Variants in ZBED6 observed in about 807,000 individuals in gnomAD.
ZBED6 encodes the protein zinc finger BED domain-containing protein 6.
In ZBED6, 40 loss-of-function variants were observed where a neutral mutation model predicts 58.4. That is an observed-to-expected ratio of 0.68 (90% CI 0.53 to 0.89). ZBED6 has a LOEUF of 0.89. ZBED6 is among the 40% of genes least tolerant of loss of function. The pLI is 0.00. For synonymous variants in ZBED6, 439 were observed against 350.6 expected (o/e 1.25, Z -2.82); for missense variants, 1,057 against 1,003.9 (o/e 1.05, Z -0.71).
At chr1:203,836,025 CAGGGTTCCAAATT>C in intron 9 of ZBED6, 1 of 153,822 alleles carries the variant, frequency 6.5e-6, no homozygotes, top group South Asian at 2.0e-4. Flanking sequence ...CAAACCAAAC[CAGGGTTCCAAATT>C]AATAGGACTT....
chr1:203,836,375 A>G (rs1348482763), intron 9 of ZBED6, among the ~76,000 whole-genome samples: 1 of 152,194 alleles, frequency 6.6e-6, no homozygotes, highest in Non-Finnish European at 1.5e-5. Context: ...TACCTTGCAA[A>G]CAATGTAACT....
chr1:203,823,258 T>C (rs1369931461), intron 3 of ZBED6, among the ~76,000 whole-genome samples: 2 of 152,204 alleles, frequency 1.3e-5, no homozygotes, highest in African/African-American at 4.8e-5. Context: ...AAAAAGACAC[T>C]GGAGGAATCT....
At chr1:203,829,981 C>G in intron 6 of ZBED6, 85 bp downstream of exon 6, 2 of 1,407,766 alleles carry the variant, frequency 1.4e-6, no homozygotes, top group South Asian at 1.2e-5. Flanking sequence ...CCTCCCTCTT[C>G]TTTTTCCCAT....
At chr1:203,818,711 T>C (rs770954812) in intron 3 of ZBED6, 22 bp downstream of exon 3, 7 of 1,613,820 alleles carry the variant, frequency 4.3e-6, no homozygotes, top group Non-Finnish European at 5.9e-6. Context: ...ATTTCCGTTA[T>C]CATAATAAGT....
intron 1 of ZBED6, among the ~76,000 whole-genome samples, chr1:203,804,621 A>G (rs1456933912): frequency 1.3e-5 from 2 of 148,822 alleles, no homozygotes; most frequent in African/African-American, 4.9e-5. Context: ...TAGATTTTCT[A>G]GTTTGCAAGC....
intron 8 of ZBED6, among the ~76,000 whole-genome samples, chr1:203,832,320 C>T (rs939115829): frequency 2.0e-5 from 3 of 152,006 alleles, no homozygotes; most frequent in Admixed American, 6.6e-5. Context: ...CTTGGCCTCC[C>T]GAAGTGCTGG....
At chr1:203,797,366 A>G (rs923368794) in exon 1 of ZBED6, 10 of 680,478 alleles carry the variant, frequency 1.5e-5, no homozygotes, top group African/African-American at 9.2e-5. Flanking sequence ...TTTTCCTCCA[A>G]AAATAACCTG....
intron 11 of ZBED6, among the ~76,000 whole-genome samples, chr1:203,841,093 A>G (rs989165909): frequency 4.1e-4 from 62 of 151,382 alleles, no homozygotes; most frequent in South Asian, 8.3e-4. Flanking sequence ...GAAAGATAAC[A>G]GAGAGCACAT....
chr1:203,817,070 C>T (rs776425658), exon 2 of ZBED6: 3 of 1,607,184 alleles, frequency 1.9e-6, no homozygotes, highest in Non-Finnish European at 1.7e-6. Flanking sequence ...ATCTACCCAG[C>T]ATGCCTAATC....
chr1:203,805,920 C>A, intron 1 of ZBED6: 1 of 667,288 alleles, frequency 1.5e-6, no homozygotes. Flanking sequence ...GCTTGTCTAC[C>A]TTCATTTCCT....
At chr1:203,848,856 A>G (rs1187974009) in intron 13 of ZBED6, among the ~76,000 whole-genome samples, 1 of 152,218 alleles carries the variant, frequency 6.6e-6, no homozygotes. Flanking sequence ...CTAAAAATAT[A>G]CAGCTCAGAT....
At chr1:203,820,487 T>TGTGTGTGTGTGTGTGTG (rs1553263519) in intron 3 of ZBED6, among the ~76,000 whole-genome samples, 2 of 152,046 alleles carry the variant, frequency 1.3e-5, no homozygotes, top group African/African-American at 2.4e-5. Flanking sequence ...TGTGTGTATA[T>TGTGTGTGTGTGTGTGTG]TTTGAGTTGA....
At chr1:203,828,377 A>G (rs377024811) in exon 4 of ZBED6, 3 of 1,614,020 alleles carry the variant, frequency 1.9e-6, no homozygotes, top group Admixed American at 1.7e-5. Context: ...TTTCCATCAC[A>G]ATAGAGGACG....
At chr1:203,816,473 T>A (rs570786743) in intron 1 of ZBED6, among the ~76,000 whole-genome samples, 39 of 152,094 alleles carry the variant, frequency 2.6e-4, no homozygotes, top group South Asian at 8.3e-4. Flanking sequence ...AAATTTTTTT[T>A]AAAAAATTAG....
chr1:203,801,566 T>TC (rs1449803374), exon 1 of ZBED6: 6 of 152,626 alleles, frequency 3.9e-5, no homozygotes, highest in African/African-American at 1.2e-4. Context: ...TTCCTTTTTT[T>TC]CATTTTAGAT....
At chr1:203,840,521 C>T (rs776978832) in intron 11 of ZBED6, 147 bp downstream of exon 11, 9 of 696,994 alleles carry the variant, frequency 1.3e-5, no homozygotes, top group Non-Finnish European at 2.1e-5. Flanking sequence ...TTGATCAAGT[C>T]AGCTCAGACT....
chr1:203,797,601 A>G, exon 1 of ZBED6: 1 of 1,535,390 alleles, frequency 6.5e-7, no homozygotes, highest in Middle Eastern at 1.7e-4. Context: ...TGATTCTGGG[A>G]TTCTGGGATG....
At chr1:203,850,379 C>A in intron 14 of ZBED6, 136 bp from the exon 15 acceptor site, 1 of 1,344,194 alleles carries the variant, frequency 7.4e-7, no homozygotes, top group Non-Finnish European at 1.1e-6. Context: ...GCCTTTGAAT[C>A]GTTTTCAGTC....
At chr1:203,842,624 TC>T (rs1336374447) in intron 11 of ZBED6, among the ~76,000 whole-genome samples, 1 of 139,272 alleles carries the variant, frequency 7.2e-6, no homozygotes, top group Non-Finnish European at 1.6e-5. Context: ...GGAGGGGGAA[TC>T]TTTTTTTTTT....
Sources: gnomAD v4.1 joint callset for allele counts (sites outside exome capture counted in the v4.1 genomes callset) on GRCh38, gnomAD v4.1.1 for gene constraint, MANE v1.5 for transcripts, NCBI Gene and HGNC (gene_info 2026-07-23, HGNC 2026-07-21) for gene names.